Variants in FRMD4A observed in about 807,000 individuals in gnomAD.
The protein encoded by FRMD4A is FERM domain containing 4A.
In FRMD4A, 29 loss-of-function variants were observed where a neutral mutation model predicts 129.1. That is an observed-to-expected ratio of 0.22 (90% CI 0.17 to 0.31). The LOEUF is 0.31. Ranked by LOEUF, FRMD4A falls within the 10% of genes least tolerant of loss-of-function variation. The pLI, the probability that FRMD4A is intolerant of heterozygous loss-of-function variation, is 1.00. For synonymous variants in FRMD4A, 634 were observed against 571.6 expected (o/e 1.11, Z -1.56); for missense variants, 1,272 against 1,375.8 (o/e 0.92, Z 1.19).
intron 2 of FRMD4A, among the ~76,000 whole-genome samples, chr10:14,185,680 G>A (rs185687079): frequency 5.9e-5 from 9 of 152,332 alleles, no homozygotes; most frequent in South Asian, 2.1e-4. Context: ...GAGCAGAAGA[G>A]AGGATAGCAG....
At chr10:13,822,897 CTCCT>C (rs2093650114) in intron 3 of FRMD4A, among the ~76,000 whole-genome samples, 1 of 152,166 alleles carries the variant, frequency 6.6e-6, no homozygotes, top group Non-Finnish European at 1.5e-5. Context: ...CCTTCTCTCT[CTCCT>C]TCCAAGTGAC....
At chr10:13,758,798 G>A (rs2091957977) in intron 8 of FRMD4A, among the ~76,000 whole-genome samples, 1 of 151,986 alleles carries the variant, frequency 6.6e-6, no homozygotes, top group Admixed American at 6.6e-5. Context: ...TTGAACTAAG[G>A]AGCAAAAAAT....
chr10:13,920,325 AG>A (rs778752317), intron 2 of FRMD4A, among the ~76,000 whole-genome samples: 8 of 152,190 alleles, frequency 5.3e-5, no homozygotes, highest in Admixed American at 6.5e-5. Flanking sequence ...TTGTCTCCTT[AG>A]GACAATCTTG....
In FRMD4A at chr10:14,090,103, C is replaced by T. The variant is rs147885091; in HGVS notation, c.46-231191G>A. 5.9e-5 allele frequency among the ~76,000 whole-genome samples: 9 copies of T among 152,236 alleles called. No individual in the cohort carries two copies. The East Asian group carries it at 1.7e-3, about 29-fold the overall frequency. Reference sequence around the variant, plus strand: ...ATGGCTGCTGGGAGAATATTTATAGCAGGGATCTAGAAATAACCGTAAGGG... The same window carrying T: ...ATGGCTGCTGGGAGAATATTTATAGTAGGGATCTAGAAATAACCGTAAGGG... On this transcript the variant is annotated intron_variant, in intron 2 of 24. Coordinates refer to ENST00000357447, the MANE Select transcript of FRMD4A (RefSeq NM_018027.5).
In FRMD4A at chr10:13,884,166, A is replaced by T. The variant is rs11258699; in HGVS notation, c.46-25254T>A. Among the ~76,000 whole-genome samples the T allele has an allele frequency of 1.2e-3, 52 of 44,968 alleles. 1 individual carries two copies. In the East Asian group the frequency reaches 0.028, roughly 24 times the overall value. The allele number at this position is 44,968 out of a possible 152,430, so 29.5% of individuals were successfully genotyped here. A position where few individuals can be genotyped will look rare whatever the true frequency, so the allele number is the denominator to read the frequency against. ...CACTCTCACACACTCTCACACACACACTCACACACTCACACACACACACAC... is the reference window on the plus strand; with the variant it reads ...CACTCTCACACACTCTCACACACACTCTCACACACTCACACACACACACAC... On this transcript the variant is annotated intron_variant, in intron 2 of 24. Coordinates refer to ENST00000357447, the MANE Select transcript of FRMD4A (RefSeq NM_018027.5).
At chr10:13,981,450 C>T (rs1055031517) in intron 2 of FRMD4A, among the ~76,000 whole-genome samples, 2 of 152,020 alleles carry the variant, frequency 1.3e-5, no homozygotes, top group African/African-American at 4.8e-5. Context: ...GGATAGAATA[C>T]TTAAGGGAGG....
intron 2 of FRMD4A, among the ~76,000 whole-genome samples, chr10:14,132,629 T>A (rs1423558223): frequency 6.6e-6 from 1 of 152,148 alleles, no homozygotes; most frequent in Non-Finnish European, 1.5e-5. Flanking sequence ...CCCCACCACC[T>A]CCCATTCCTC....
chr10:14,119,553 T>C (rs1838384813), intron 2 of FRMD4A, among the ~76,000 whole-genome samples: 2 of 152,202 alleles, frequency 1.3e-5, no homozygotes, highest in South Asian at 2.1e-4. Context: ...AGTGAGGTTA[T>C]CGCAACACCA....
At chr10:14,263,080 T>C (rs1844859005) in intron 2 of FRMD4A, among the ~76,000 whole-genome samples, 1 of 152,172 alleles carries the variant, frequency 6.6e-6, no homozygotes, top group African/African-American at 2.4e-5. Context: ...TCAGGACAAA[T>C]GGCCTACGGA....
intron 3 of FRMD4A, among the ~76,000 whole-genome samples, chr10:13,834,668 T>C (rs867541380): frequency 6.6e-6 from 1 of 152,154 alleles, no homozygotes; most frequent in Non-Finnish European, 1.5e-5. Context: ...CAGAGAGTCA[T>C]CTTCAGCATT....
intron 2 of FRMD4A, among the ~76,000 whole-genome samples, chr10:14,313,780 A>G (rs1197872688): frequency 6.6e-6 from 1 of 152,252 alleles, no homozygotes; most frequent in Non-Finnish European, 1.5e-5. Context: ...AACAAATAAA[A>G]GAAAGCATCT....
chr10:14,144,802 C>A (rs11258898), intron 2 of FRMD4A, among the ~76,000 whole-genome samples: 15,483 of 152,050 alleles, frequency 0.1, 1,379 homozygotes, highest in African/African-American at 0.23. Flanking sequence ...TCCTATGATG[C>A]TTGGTTCTGG....
At chr10:14,263,087 C>T (rs933280612) in intron 2 of FRMD4A, among the ~76,000 whole-genome samples, 14 of 152,172 alleles carry the variant, frequency 9.2e-5, no homozygotes, top group South Asian at 2.1e-4. Flanking sequence ...AAATGGCCTA[C>T]GGAGAGGACC....
At chr10:14,045,170 G>A (rs754834076) in intron 2 of FRMD4A, among the ~76,000 whole-genome samples, 12 of 152,176 alleles carry the variant, frequency 7.9e-5, no homozygotes. Context: ...GATTAGAAGA[G>A]TGAGCCACTA....
chr10:13,654,106 C>T (rs1420171062), intron 23 of FRMD4A: 1 of 517,962 alleles, frequency 1.9e-6, no homozygotes, highest in Non-Finnish European at 3.3e-6. Context: ...ATAATCCAAA[C>T]CGAAATGAAA....
At chr10:14,111,986 CAGGGAAGGAAGGG>C (rs1298545988) in intron 2 of FRMD4A, among the ~76,000 whole-genome samples, 1 of 82,466 alleles carries the variant, frequency 1.2e-5, no homozygotes, top group African/African-American at 5.0e-5. Flanking sequence ...GGGAGGAAGG[CAGGGAAGGAAGGG>C]AGGGAAGGAA....
intron 2 of FRMD4A, among the ~76,000 whole-genome samples, chr10:14,158,890 G>GA (rs987082761): frequency 2.6e-5 from 4 of 151,592 alleles, no homozygotes; most frequent in African/African-American, 9.7e-5. Flanking sequence ...TTCTATTCCA[G>GA]AAAAATACCC....
intron 2 of FRMD4A, among the ~76,000 whole-genome samples, chr10:13,983,106 G>A (rs962573135): frequency 1.1e-4 from 17 of 152,134 alleles, no homozygotes; most frequent in African/African-American, 2.7e-4. Context: ...GGCTATAGGC[G>A]TGTGCCACTA....
chr10:14,135,877 C>A (rs1839508996), intron 2 of FRMD4A, among the ~76,000 whole-genome samples: 2 of 152,204 alleles, frequency 1.3e-5, no homozygotes, highest in Admixed American at 1.3e-4. Flanking sequence ...GAAATTATTC[C>A]TGGTATTAGG....
Sources: allele counts gnomAD v4.1 joint callset (sites outside exome capture counted in the v4.1 genomes callset), GRCh38; gene constraint gnomAD v4.1.1; transcripts MANE v1.5; gene names NCBI Gene and HGNC (gene_info 2026-07-23, HGNC 2026-07-21).